The following SDCCAG8 variants were observed in gnomAD, a reference collection of about 807,000 sequenced individuals.
SDCCAG8 encodes the protein SHH signaling and ciliogenesis regulator SDCCAG8.
SDCCAG8 carries 74 observed loss-of-function variants against 101.8 expected under a neutral mutation model. The observed-to-expected ratio is 0.73, with a 90% confidence interval of 0.60 to 0.88. The LOEUF (loss-of-function observed/expected upper bound fraction) is 0.88, where lower values mean the gene tolerates loss of function less well. Ranked by LOEUF, SDCCAG8 falls within the 40% of genes least tolerant of loss-of-function variation. The probability of loss-of-function intolerance (pLI) is 0.00; values close to 1 mark genes in which losing one functional copy is unlikely to be tolerated. For synonymous variants in SDCCAG8, 281 were observed against 292.9 expected (o/e 0.96, Z 0.41); for missense variants, 787 against 822.6 (o/e 0.96, Z 0.53).
intron 9 of SDCCAG8, among the ~76,000 whole-genome samples, chr1:243,327,886 T>TTTTG (rs772057789): frequency 2.6e-5 from 4 of 152,118 alleles, no homozygotes; most frequent in South Asian, 2.1e-4. Context: ...TAAAAGCTAT[T>TTTTG]TTTGTTTGTT....
At chr1:243,270,912 T>C (rs2068029150) in intron 2 of SDCCAG8, 66 bp from the exon 3 acceptor site, 9 of 1,144,880 alleles carry the variant, frequency 7.9e-6, no homozygotes, top group Non-Finnish European at 1.1e-5. Flanking sequence ...GTTGGAAGGA[T>C]GGATGGGTGG....
intron 17 of SDCCAG8, among the ~76,000 whole-genome samples, chr1:243,496,882 G>A (rs1030394763): frequency 1.3e-5 from 2 of 152,244 alleles, no homozygotes; most frequent in Non-Finnish European, 2.9e-5. Flanking sequence ...TAGCAGCTGT[G>A]TGCCTGCAGA....
At chr1:243,268,025 G>A in intron 1 of SDCCAG8, 1 of 777,526 alleles carries the variant, frequency 1.3e-6, no homozygotes. Flanking sequence ...TTTCTCTTTA[G>A]GTTTTAATCT....
intron 14 of SDCCAG8, 23 bp from the exon 15 acceptor site, chr1:243,417,945 T>G (rs1315909465): frequency 1.3e-6 from 2 of 1,511,948 alleles, no homozygotes; most frequent in East Asian, 4.5e-5. Flanking sequence ...CTTATGTTGG[T>G]GGGGGTTTAT....
intron 13 of SDCCAG8, among the ~76,000 whole-genome samples, chr1:243,401,634 C>G (rs576861162): frequency 1.0e-3 from 155 of 152,044 alleles, no homozygotes; most frequent in Admixed American, 4.9e-3. Flanking sequence ...AAATAATTTG[C>G]CAGCTTGGCT....
intron 9 of SDCCAG8, among the ~76,000 whole-genome samples, chr1:243,329,425 A>G (rs1378091600): frequency 9.2e-5 from 14 of 152,204 alleles, no homozygotes; most frequent in African/African-American, 2.4e-5. Context: ...AGCTTTCACC[A>G]GAGGGAAGCA....
chr1:243,402,247 G>A (rs1270647384), intron 13 of SDCCAG8, among the ~76,000 whole-genome samples: 2 of 151,956 alleles, frequency 1.3e-5, no homozygotes, highest in Non-Finnish European at 2.9e-5. Flanking sequence ...AGCCAACATC[G>A]GGAAACCTTG....
intron 13 of SDCCAG8, among the ~76,000 whole-genome samples, chr1:243,410,352 T>C (rs1204158930): frequency 6.6e-6 from 1 of 152,176 alleles, no homozygotes; most frequent in Non-Finnish European, 1.5e-5. Context: ...ACATTTTCTG[T>C]CTAAACTCAC....
intron 12 of SDCCAG8, among the ~76,000 whole-genome samples, chr1:243,358,193 C>T (rs2076496973): frequency 6.6e-6 from 1 of 151,810 alleles, no homozygotes; most frequent in African/African-American, 2.4e-5. Flanking sequence ...ACTCATGTAT[C>T]TGATAAGAGA....
Position 243,330,780 on chromosome 1 carries a change from T to C in SDCCAG8, c.1221+88T>C. 5 of 1,342,380 alleles carry C rather than the reference T, an allele frequency of 3.7e-6. 1 individual carries two copies. The highest frequency in any genetic ancestry group is 5.3e-6 in the Non-Finnish European group (5 of 950,512). The allele number at this position is 1,342,380 out of a possible 1,614,324, so 83.2% of individuals were successfully genotyped here. On this transcript the variant is annotated intron_variant, in intron 10 of 17. Transcript: ENST00000366541. ...GATTCCATAGGCTGGAGTTCTTGAATGAACTTTAAATTTTAAAATCGTTAT... is the reference window on the plus strand; with the variant it reads ...GATTCCATAGGCTGGAGTTCTTGAACGAACTTTAAATTTTAAAATCGTTAT...
chr1:243,385,002 A>C (rs2078186264), intron 13 of SDCCAG8, among the ~76,000 whole-genome samples: 1 of 152,188 alleles, frequency 6.6e-6, no homozygotes, highest in African/African-American at 2.4e-5. Flanking sequence ...TTCTGTCATA[A>C]GACGCTGTGC....
chr1:243,499,989 C>T lies in SDCCAG8; in HGVS notation c.*204C>T, dbSNP rs1669096253. ...AGTCTGACTCTAGCTGAGCAGAGCT[C>T]CTGGTGTATGTTTTCAGAAATGGCT... On this transcript the variant is annotated 3_prime_UTR_variant, in exon 18 of 18. Transcript: ENST00000366541. The T allele has an allele frequency of 8.2e-6, 5 of 609,176 alleles. No homozygotes were observed. The South Asian group carries it at 1.0e-4, about 12-fold the overall frequency. 37.7% of individuals were successfully genotyped at this position (609,176 alleles called of 1,614,324 possible). A position where few individuals can be genotyped will look rare whatever the true frequency, so the allele number is the denominator to read the frequency against.
At chr1:243,316,658 G>C in intron 8 of SDCCAG8, 97 bp from the exon 9 acceptor site, 1 of 1,457,272 alleles carries the variant, frequency 6.9e-7, no homozygotes, top group Non-Finnish European at 9.6e-7. Context: ...GCCTACCCTG[G>C]CTCTTCTAAT....
Position 243,270,238 on chromosome 1 carries a change from A to C in SDCCAG8, c.201A>C (p.Glu67Asp), listed in dbSNP as rs929473088. Residue 67 changes from glutamate to aspartate, a missense_variant, in exon 2 of 18, where the codon GAA becomes GAC. Physicochemically the swap from Glu to Asp is conservative, Grantham distance 45. Transcript: ENST00000366541. ...AGGACGCCAGGACAGCCTGGCCCGA[A>C]TTACAACAGAGCCATGCTGGTGAGT... ...GNEDARTAWPELQQSHAVNQL... is the reference protein window; with the variant it reads ...GNEDARTAWPDLQQSHAVNQL... 11 of 1,614,182 alleles carry C rather than the reference A, an allele frequency of 6.8e-6. No homozygotes were observed. The highest frequency in any genetic ancestry group is 8.5e-6 in the Non-Finnish European group (10 of 1,180,020).
chr1:243,259,158 T>G (rs1334711060), intron 1 of SDCCAG8, among the ~76,000 whole-genome samples: 1 of 151,518 alleles, frequency 6.6e-6, no homozygotes, highest in Non-Finnish European at 1.5e-5. Context: ...CCCAGCACTT[T>G]GGGAGGCTGG....
rs138937606 is a variant in SDCCAG8, at chr1:243,374,030, A to G, written c.1474-4691A>G. 3.7e-4 allele frequency among the ~76,000 whole-genome samples: 56 copies of G among 152,256 alleles called. No homozygotes were observed. The East Asian group carries it at 4.6e-3, about 13-fold the overall frequency. ...ACATTTAAATACTGTATATTCTAAT[A>G]GGTAAAATATTATATTCATAGATTA... On this transcript the variant is annotated intron_variant, in intron 12 of 17. Coordinates refer to ENST00000366541, the MANE Select transcript of SDCCAG8 (RefSeq NM_006642.5).
intron 5 of SDCCAG8, among the ~76,000 whole-genome samples, chr1:243,288,685 T>C (rs1484275979): frequency 2.6e-5 from 4 of 152,108 alleles, no homozygotes; most frequent in African/African-American, 7.2e-5. Context: ...CAATATAGAT[T>C]TTCAGTGTTT....
intron 16 of SDCCAG8, chr1:243,487,727 C>T (rs1176958859): frequency 6.6e-6 from 1 of 152,288 alleles, no homozygotes; most frequent in East Asian, 1.9e-4. Flanking sequence ...TCGGAGGTGC[C>T]AAGCCCGGGG....
intron 10 of SDCCAG8, among the ~76,000 whole-genome samples, chr1:243,336,561 G>T (rs1223477307): frequency 3.3e-5 from 5 of 152,186 alleles, no homozygotes; most frequent in Non-Finnish European, 7.3e-5. Context: ...GCAGGAGGAA[G>T]AGAGAGCAGG....
Sources: allele counts gnomAD v4.1 joint callset (sites outside exome capture counted in the v4.1 genomes callset), GRCh38; gene constraint gnomAD v4.1.1; transcripts MANE v1.5; gene names NCBI Gene and HGNC (gene_info 2026-07-23, HGNC 2026-07-21).